ADGRG4: variants seen among roughly 807,000 people sequenced by gnomAD.
The protein encoded by ADGRG4 is adhesion G protein-coupled receptor G4.
ADGRG4 carries 122 observed loss-of-function variants against 126.2 expected under a neutral mutation model. The observed-to-expected ratio is 0.97, with a 90% CI of 0.83 to 1.12. The LOEUF is 1.12. Ranked by LOEUF, ADGRG4 falls within the 50% of genes most tolerant of loss-of-function variation. The pLI is 0.00. For missense variants in ADGRG4, 2,481 were observed against 2,251.8 expected, an observed-to-expected ratio of 1.10 and a Z score of -2.06; for synonymous variants, 943 against 838.7, an observed-to-expected ratio of 1.12 and a Z score of -2.15.
At chrX:136,313,923 A>G (rs1427374326) in intron 4 of ADGRG4, among the ~76,000 whole-genome samples, 2 of 110,947 alleles carry the variant, frequency 1.8e-5, no homozygotes, top group Non-Finnish European at 3.8e-5. Flanking sequence ...AATGATCAGT[A>G]GTCTTTCCTC....
At chrX:136,316,392 G>GA (rs1162467523) in intron 4 of ADGRG4, among the ~76,000 whole-genome samples, 1,167 of 102,229 alleles carry the variant, frequency 0.011, 15 homozygotes, top group African/African-American at 0.032. Context: ...GGATTTTGCT[G>GA]AAAAAAAAAA....
Position 136,344,533 on chromosome X carries a change from T to C in ADGRG4, c.827T>C (p.Ile276Thr). The C allele has an allele frequency of 8.3e-7, 1 of 1,206,586 alleles. No homozygotes were observed. Among genetic ancestry groups the C allele is most frequent in the Non-Finnish European group, 1.1e-6 (1 of 890,909 alleles). Residue 276 changes from isoleucine to threonine, a missense_variant, in exon 6 of 26, where the codon ATA (isoleucine) becomes ACA (threonine). Ile to Thr is a moderately conservative substitution (Grantham distance 89). Coordinates refer to ENST00000394143, the MANE Select transcript of ADGRG4 (RefSeq NM_153834.4). Reference sequence around the variant, plus strand: ...ACACTATTGTCTCAAAGCATACCTATATTTGCAACTGATTACACAACCATA... The same window carrying C: ...ACACTATTGTCTCAAAGCATACCTACATTTGCAACTGATTACACAACCATA... ...SSTLLSQSIPIFATDYTTISY... is the reference protein window; with the variant it reads ...SSTLLSQSIPTFATDYTTISY...
intron 18 of ADGRG4, 39 bp downstream of exon 18, chrX:136,393,619 C>T (rs1321129533): frequency 1.9e-6 from 2 of 1,063,846 alleles, no homozygotes; most frequent in Non-Finnish European, 2.6e-6. Context: ...TTGCCCCAGA[C>T]CATTTTCCCA....
chrX:136,379,427 G>C (rs79221055), intron 15 of ADGRG4, among the ~76,000 whole-genome samples: 1 of 108,309 alleles, frequency 9.2e-6, no homozygotes, highest in Non-Finnish European at 1.9e-5. Context: ...TCTGCTCTCC[G>C]TTCCTCTTGC....
Position 136,329,017 on chromosome X carries a change from C to G in ADGRG4, c.685+5625C>G, listed in dbSNP as rs981104245. Among the ~76,000 whole-genome samples, 4 of 111,069 alleles carry G rather than the reference C, an allele frequency of 3.6e-5. No individual in the cohort carries two copies. The Admixed American group carries it at 3.8e-4, about 11-fold the overall frequency. On this transcript the variant is annotated intron_variant, in intron 5 of 25. Coordinates refer to ENST00000394143, the MANE Select transcript of ADGRG4 (RefSeq NM_153834.4). ...CAGCATTCGTTTTTCATGCTTTTGC[C>G]TGGAAACTGAATGCAGACACCACTT...
intron 15 of ADGRG4, among the ~76,000 whole-genome samples, chrX:136,383,118 T>C (rs1267352900): frequency 2.7e-5 from 3 of 111,944 alleles, no homozygotes; most frequent in Non-Finnish European, 5.6e-5. Context: ...ATGTTTCACA[T>C]GGACTTCAAA....
At chrX:136,326,870 T>C (rs750207823) in intron 5 of ADGRG4, among the ~76,000 whole-genome samples, 4 of 110,908 alleles carry the variant, frequency 3.6e-5, no homozygotes, top group Admixed American at 9.7e-5. Context: ...TCTCAATAAA[T>C]CTATTTACAC....
At chrX:136,380,277 T>C (rs618650) in intron 15 of ADGRG4, among the ~76,000 whole-genome samples, 38,174 of 109,793 alleles carry the variant, frequency 0.35, 5,071 homozygotes, top group Non-Finnish European at 0.4. Flanking sequence ...GATTCATTTG[T>C]CAACCTCTGA....
At position 136,393,467 on chromosome X, in the gene ADGRG4, T is replaced by G. The variant is rs375811214; in HGVS notation, c.8035-68T>G. ...AAAAATATTGGGAAGAAAACACTTA[T>G]GTGTATATGTTACTATATGGTAAAT... On this transcript the variant is annotated intron_variant, in intron 17 of 25. Coordinates refer to ENST00000394143, the MANE Select transcript of ADGRG4 (RefSeq NM_153834.4). The G allele has an allele frequency of 7.9e-6, 7 of 889,543 alleles. No homozygotes were observed. In the South Asian group the frequency reaches 1.1e-4, roughly 14 times the overall value. The allele number at this position is 889,543 out of a possible 1,213,427, so 73.3% of individuals were successfully genotyped here.
Position 136,345,865 on chromosome X carries a change from C to T in ADGRG4, c.2159C>T (p.Thr720Ile), listed in dbSNP as rs1462623987. The T allele has an allele frequency of 8.3e-7, 1 of 1,210,932 alleles. No homozygotes were observed. Among genetic ancestry groups the T allele is most frequent in the Non-Finnish European group, 1.1e-6 (1 of 894,720 alleles). Reference protein sequence around the residue: ...EGKGTTANDATTARYTTAVSK... With the variant: ...EGKGTTANDAITARYTTAVSK... ...AAAGGTACCACTGCCAATGATGCTA[C>T]TACAGCCAGATATACAACAGCTGTA... is the stretch of plus-strand genomic sequence containing the variant. Residue 720 changes from threonine to isoleucine, a missense_variant, in exon 6 of 26, where the codon ACT becomes ATT. Transcript: ENST00000394143.
At position 136,348,456 on chromosome X, in the gene ADGRG4, A is replaced by G. The variant is rs1157746165; in HGVS notation, c.4750A>G (p.Arg1584Gly). The G allele has an allele frequency of 8.3e-7, 1 of 1,209,521 alleles. No individual in the cohort carries two copies. Among genetic ancestry groups the G allele is most frequent in the Non-Finnish European group, 1.1e-6 (1 of 893,692 alleles). The change falls in exon 6 of 26, where the codon AGA (arginine) becomes GGA (glycine). Residue 1584 changes from arginine to glycine, a missense_variant. Coordinates refer to ENST00000394143, the MANE Select transcript of ADGRG4 (RefSeq NM_153834.4). ...PATVSSDTST[R>G]VGLFSTLLSS... Reference sequence around the variant, plus strand: ...AACAGTCTCTTCTGACACTTCCACAAGAGTTGGGTTATTCTCTACTTTATT... The same window carrying G: ...AACAGTCTCTTCTGACACTTCCACAGGAGTTGGGTTATTCTCTACTTTATT...
chrX:136,359,541 G>A, intron 11 of ADGRG4, 86 bp downstream of exon 11: 1 of 751,602 alleles, frequency 1.3e-6, no homozygotes, highest in Admixed American at 3.5e-5. Context: ...TAAGGATTCT[G>A]AGTTCAGAAA....
rs1378767529 is a variant in ADGRG4 at position 136,348,212 on chromosome X, C to T, written c.4506C>T (p.Ser1502=). The T allele has an allele frequency of 5.0e-6, 6 of 1,207,479 alleles. No individual in the cohort carries two copies. The highest frequency in any genetic ancestry group is 4.4e-5 in the Admixed American group (2 of 45,714). ...TACCTACAATGCTTCCTAGAGAATCCTCTATGGCAACGTCCACTCCTATTT... is the reference window on the plus strand; with the variant it reads ...TACCTACAATGCTTCCTAGAGAATCTTCTATGGCAACGTCCACTCCTATTT... ...PNVPTMLPRE[S]SMATSTPIYQ... The change falls in exon 6 of 26, where the codon TCC becomes TCT. Residue 1502 remains serine, a synonymous_variant. Transcript: ENST00000394143.
At chrX:136,412,824 C>T (rs1474310428) in intron 24 of ADGRG4, among the ~76,000 whole-genome samples, 2 of 111,993 alleles carry the variant, frequency 1.8e-5, no homozygotes, top group East Asian at 5.6e-4. Context: ...GGCCCACGAA[C>T]TGGGGGATGT....
intron 25 of ADGRG4, 66 bp from the exon 26 acceptor site, chrX:136,416,388 A>T (rs2075475506): frequency 1.2e-6 from 1 of 867,118 alleles, no homozygotes; most frequent in Admixed American, 2.9e-5. Context: ...AAATTTTCTT[A>T]TGCTTCTACT....
intron 4 of ADGRG4, among the ~76,000 whole-genome samples, chrX:136,320,941 A>T (rs903499183): frequency 1.1e-4 from 12 of 110,834 alleles, no homozygotes; most frequent in African/African-American, 3.9e-4. Flanking sequence ...ATCAAAAACT[A>T]AATTAGTATA....
chrX:136,401,317 A>G (rs1273380886), intron 21 of ADGRG4, among the ~76,000 whole-genome samples: 18 of 111,811 alleles, frequency 1.6e-4, no homozygotes, highest in African/African-American at 5.9e-4. Flanking sequence ...AAAAGCAGAT[A>G]ACCCACACAT....
chrX:136,380,826 C>T (rs952180637), intron 15 of ADGRG4, among the ~76,000 whole-genome samples: 2 of 108,912 alleles, frequency 1.8e-5, no homozygotes, highest in Non-Finnish European at 3.8e-5. Context: ...ATCCTCCCAC[C>T]TCAGCCTCCC....
intron 15 of ADGRG4, among the ~76,000 whole-genome samples, chrX:136,378,468 T>C (rs2075241073): frequency 9.0e-6 from 1 of 111,349 alleles, no homozygotes; most frequent in South Asian, 3.8e-4. Context: ...CTGATCTTTA[T>C]TCCTTTTATT....
Sources: allele counts gnomAD v4.1 joint callset (sites outside exome capture counted in the v4.1 genomes callset), GRCh38; gene constraint gnomAD v4.1.1; transcripts MANE v1.5; gene names NCBI Gene and HGNC (gene_info 2026-07-23, HGNC 2026-07-21).